Variants in CHRM5 observed in about 807,000 individuals in gnomAD.
CHRM5 encodes muscarinic acetylcholine receptor M5.
A neutral mutation model predicts 39.0 loss-of-function variants in CHRM5; 18 were observed. The observed-to-expected ratio is 0.46, with a 90% CI of 0.32 to 0.68. The LOEUF is 0.68. CHRM5 is among the 30% of genes least tolerant of loss of function. The pLI, the probability that CHRM5 is intolerant of heterozygous loss-of-function variation, is 0.04. For synonymous variants in CHRM5, 241 were observed against 246.3 expected, an observed-to-expected ratio of 0.98 and a Z score of 0.20; for missense variants, 515 against 651.1, an observed-to-expected ratio of 0.79 and a Z score of 2.28.
chr15:34,012,109 A>G (rs768824360), intron 1 of CHRM5, among the ~76,000 whole-genome samples: 3 of 152,228 alleles, frequency 2.0e-5, no homozygotes, highest in Non-Finnish European at 2.9e-5. Context: ...AAATTAAGCC[A>G]TTTTGCAAGT....
intron 1 of CHRM5, among the ~76,000 whole-genome samples, chr15:34,038,385 G>A (rs1468530090): frequency 6.6e-6 from 1 of 152,164 alleles, no homozygotes; most frequent in African/African-American, 2.4e-5. Context: ...CGTAAAGGCT[G>A]CCGAGGGACC....
intron 1 of CHRM5, among the ~76,000 whole-genome samples, chr15:34,007,497 A>G (rs554394408): frequency 1.3e-5 from 2 of 152,286 alleles, no homozygotes; most frequent in Admixed American, 1.3e-4. Context: ...TTTCCATCTG[A>G]GACCTACCCA....
chr15:34,026,129 A>G (rs1207699833), intron 1 of CHRM5, among the ~76,000 whole-genome samples: 1 of 152,142 alleles, frequency 6.6e-6, no homozygotes, highest in Non-Finnish European at 1.5e-5. Context: ...ATATTCTTCT[A>G]CCCTTTTCAG....
At chr15:34,059,008 T>C (rs965154494) in intron 2 of CHRM5, among the ~76,000 whole-genome samples, 4 of 152,202 alleles carry the variant, frequency 2.6e-5, no homozygotes, top group African/African-American at 9.6e-5. Flanking sequence ...GCAATTCTCC[T>C]GCCTCAACCT....
At chr15:34,025,537 C>T (rs1186065679) in intron 1 of CHRM5, among the ~76,000 whole-genome samples, 3 of 152,036 alleles carry the variant, frequency 2.0e-5, no homozygotes, top group East Asian at 3.9e-4. Context: ...TAATAAAGGA[C>T]GTTATTGGGT....
At chr15:33,972,128 TCA>T (rs1267673468) in intron 1 of CHRM5, 1 of 152,156 alleles carries the variant, frequency 6.6e-6, no homozygotes, top group Non-Finnish European at 1.5e-5. Flanking sequence ...AAGTACCATC[TCA>T]CAGTTTTCTC....
intron 1 of CHRM5, chr15:33,990,788 G>A (rs376897069): frequency 2.0e-5 from 3 of 152,126 alleles, no homozygotes; most frequent in Non-Finnish European, 2.9e-5. Context: ...GCCGTAAGAC[G>A]AATTTTTAAA....
At chr15:34,009,444 T>G (rs1008759692) in intron 1 of CHRM5, among the ~76,000 whole-genome samples, 1 of 152,218 alleles carries the variant, frequency 6.6e-6, no homozygotes, top group Admixed American at 6.5e-5. Context: ...TGTGTATAAT[T>G]GTATTGCTGG....
chr15:33,988,235 A>C (rs181137959), intron 1 of CHRM5, among the ~76,000 whole-genome samples: 1 of 152,330 alleles, frequency 6.6e-6, no homozygotes, highest in East Asian at 1.9e-4. Flanking sequence ...ATATACAATA[A>C]ACATAGTTTT....
chr15:34,004,633 G>T (rs750530293), intron 1 of CHRM5, among the ~76,000 whole-genome samples: 17 of 152,070 alleles, frequency 1.1e-4, no homozygotes, highest in Non-Finnish European at 1.8e-4. Context: ...TATAAACACT[G>T]AACTCTTTAT....
At chr15:33,996,919 G>A (rs1249787403) in intron 1 of CHRM5, among the ~76,000 whole-genome samples, 1 of 152,178 alleles carries the variant, frequency 6.6e-6, no homozygotes, top group Non-Finnish European at 1.5e-5. Flanking sequence ...CCAGCTAAAG[G>A]AGGCTGTTCG....
At chr15:33,996,284 T>C (rs1202799477) in intron 1 of CHRM5, among the ~76,000 whole-genome samples, 2 of 151,944 alleles carry the variant, frequency 1.3e-5, no homozygotes, top group African/African-American at 4.9e-5. Context: ...CAGAAACTTC[T>C]GCAGACTTAA....
At chr15:34,052,037 C>T (rs1442355838) in intron 2 of CHRM5, among the ~76,000 whole-genome samples, 1 of 151,928 alleles carries the variant, frequency 6.6e-6, no homozygotes, top group Non-Finnish European at 1.5e-5. Context: ...GGCAGAGATA[C>T]AACAAAAAAA....
chr15:33,980,764 G>A (rs1269029359), intron 1 of CHRM5, among the ~76,000 whole-genome samples: 2 of 152,052 alleles, frequency 1.3e-5, no homozygotes, highest in Non-Finnish European at 2.9e-5. Context: ...GTGTAGGCAA[G>A]GACCTTAACT....
At chr15:34,002,320 T>C (rs1897166778) in intron 1 of CHRM5, among the ~76,000 whole-genome samples, 1 of 151,442 alleles carries the variant, frequency 6.6e-6, no homozygotes. Flanking sequence ...CACATCCGCC[T>C]CCCACCCTCC....
Position 34,064,282 on chromosome 15 carries a change from A to G in CHRM5, c.1565A>G (p.Lys522Arg). 8 of 1,614,014 alleles carry G rather than the reference A, an allele frequency of 5.0e-6. No homozygotes were observed. The highest frequency in any genetic ancestry group is 6.8e-6 in the Non-Finnish European group (8 of 1,179,958). ...TGGAAAAAGAAAAAAGTGGAAGAGA[A>G]GTTGTACTGGCAGGGGAACAGCAAG... Reference protein sequence around the residue: ...CRWKKKKVEEKLYWQGNSKLP With the variant: ...CRWKKKKVEERLYWQGNSKLP Residue 522 changes from lysine to arginine, a missense_variant, in exon 3 of 3, where the codon AAG (lysine) becomes AGG (arginine). Coordinates refer to ENST00000383263, the MANE Select transcript of CHRM5 (RefSeq NM_012125.4).
chr15:34,053,319 A>ATATATATAT (rs1555520677), intron 2 of CHRM5, among the ~76,000 whole-genome samples: 6 of 42,066 alleles, frequency 1.4e-4, no homozygotes, highest in East Asian at 5.2e-4. Context: ...AAAAAAAAAA[A>ATATATATAT]ATATATATAT....
intron 1 of CHRM5, among the ~76,000 whole-genome samples, chr15:34,044,105 A>G (rs928753390): frequency 2.0e-5 from 3 of 152,150 alleles, no homozygotes; most frequent in Non-Finnish European, 2.9e-5. Context: ...TGAAAAAAAA[A>G]AAAAACTTCT....
chr15:34,017,994 A>C (rs1898020914), intron 1 of CHRM5, among the ~76,000 whole-genome samples: 1 of 152,246 alleles, frequency 6.6e-6, no homozygotes, highest in African/African-American at 2.4e-5. Flanking sequence ...GTCATATAAA[A>C]GTCCAGCACA....
Sources: gnomAD v4.1 joint callset for allele counts (sites outside exome capture counted in the v4.1 genomes callset) on GRCh38, gnomAD v4.1.1 for gene constraint, MANE v1.5 for transcripts, NCBI Gene and HGNC (gene_info 2026-07-23, HGNC 2026-07-21) for gene names.